Variants in TMEM132B observed in about 807,000 individuals in gnomAD.
The protein encoded by TMEM132B is transmembrane protein 132B.
Under a neutral mutation model 90.8 loss-of-function variants are expected in TMEM132B, and 18 were observed. The observed-to-expected ratio is 0.20, with a 90% CI of 0.14 to 0.29. TMEM132B has a LOEUF of 0.29. Among genes scored for constraint, TMEM132B ranks in the 10% least tolerant of loss-of-function variants. The pLI is 1.00. For missense variants in TMEM132B, 1,096 were observed against 1,326.8 expected (o/e 0.83, Z 2.70); for synonymous variants, 504 against 523.3 (o/e 0.96, Z 0.50).
At position 125,490,452 on chromosome 12, in the gene TMEM132B, T is replaced by C. The variant is rs1188187423; in HGVS notation, c.1107-28987T>C. Among the ~76,000 whole-genome samples the C allele has an allele frequency of 2.0e-5, 3 of 152,076 alleles. No homozygotes were observed. Among genetic ancestry groups the C allele is most frequent in the Non-Finnish European group, 4.4e-5 (3 of 68,026 alleles). On this transcript the variant is annotated intron_variant, in intron 3 of 8. Transcript: ENST00000682704. The surrounding 1 kb of genome is among the most constrained non-coding windows in gnomAD (Gnocchi z 4.2). Reference sequence around the variant, plus strand: ...CCCCTTTAAGAGGTGAAACTTAATTTATTTTATTTTATTTATTTATTTATT... The same window carrying C: ...CCCCTTTAAGAGGTGAAACTTAATTCATTTTATTTTATTTATTTATTTATT...
chr12:125,450,332 T>A (rs1057184847), intron 3 of TMEM132B, among the ~76,000 whole-genome samples: 1 of 152,216 alleles, frequency 6.6e-6, no homozygotes, highest in African/African-American at 2.4e-5. Context: ...AAAATGATGA[T>A]GGCATGTCTT....
At chr12:125,393,866 T>C (rs1879097682) in intron 2 of TMEM132B, among the ~76,000 whole-genome samples, 1 of 152,190 alleles carries the variant, frequency 6.6e-6, no homozygotes, top group African/African-American at 2.4e-5. Context: ...GGGATAGGAA[T>C]ATCTCAACCT....
chr12:125,566,612 G>A (rs2136814545), intron 4 of TMEM132B, among the ~76,000 whole-genome samples: 1 of 152,244 alleles, frequency 6.6e-6, no homozygotes, highest in African/African-American at 2.4e-5. Flanking sequence ...AGCACCAAAT[G>A]TGATGCTTTG....
At chr12:125,363,283 C>T (rs187153776) in intron 2 of TMEM132B, among the ~76,000 whole-genome samples, 2 of 152,324 alleles carry the variant, frequency 1.3e-5, no homozygotes, top group Non-Finnish European at 2.9e-5. Flanking sequence ...CTGATCCCCA[C>T]AACCCTGCCT....
chr12:125,558,730 A>G lies in TMEM132B; in HGVS notation c.1294-25121A>G, dbSNP rs140803421. On this transcript the variant is annotated intron_variant, in intron 4 of 8. Transcript: ENST00000682704. ...TGTTAGTTCCAAGGCATTATAGATC[A>G]AGAAGATGAGTCTAATCAATTGATG... Among the ~76,000 whole-genome samples the G allele has an allele frequency of 9.1e-3, 1,382 of 152,330 alleles. 18 individuals are homozygous for G. The highest frequency in any genetic ancestry group is 0.031 in the African/African-American group (1,306 of 41,580).
chr12:125,577,627 G>A (rs1346560558), intron 4 of TMEM132B, among the ~76,000 whole-genome samples: 1 of 149,978 alleles, frequency 6.7e-6, no homozygotes, highest in Non-Finnish European at 1.5e-5. Flanking sequence ...TATTATTATT[G>A]TCTTCCTTGC....
chr12:125,350,131 G>A lies in TMEM132B; in HGVS notation c.747G>A (p.Ser249=), dbSNP rs752253408. ...GCAAGTGGGAGAACAATATCCACTC[G>A]GGCCTGGAGAGCCCCCAGCAAGCGT... ...EEGKWENNIH[S]GLESPQQAFP... is the part of the protein sequence containing the mutation. The change falls in exon 2 of 9, where the codon TCG becomes TCA. Residue 249 remains serine (S), a synonymous_variant. Coordinates refer to ENST00000682704, the MANE Select transcript of TMEM132B (RefSeq NM_001366854.1). 100 of 1,614,100 alleles carry A rather than the reference G, an allele frequency of 6.2e-5. No homozygotes were observed. Among genetic ancestry groups the A allele is most frequent in the Non-Finnish European group, 7.5e-5 (88 of 1,180,038 alleles).
chr12:125,534,535 C>A (rs892551149), intron 4 of TMEM132B, among the ~76,000 whole-genome samples: 1 of 152,058 alleles, frequency 6.6e-6, no homozygotes, highest in Non-Finnish European at 1.5e-5. Context: ...CACCCCACAA[C>A]CAAAACCAAA....
intron 1 of TMEM132B, among the ~76,000 whole-genome samples, chr12:125,266,662 C>T (rs887011923): frequency 3.9e-5 from 6 of 152,298 alleles, no homozygotes; most frequent in African/African-American, 1.4e-4. Context: ...TAGGCCTTCT[C>T]CACACCACAC....
chr12:125,637,548 G>A (rs1023634373), intron 5 of TMEM132B, among the ~76,000 whole-genome samples: 9 of 152,156 alleles, frequency 5.9e-5, no homozygotes, highest in South Asian at 4.1e-4. Flanking sequence ...GGTTCCATCC[G>A]GAAAGGTGGG....
intron 3 of TMEM132B, among the ~76,000 whole-genome samples, chr12:125,487,134 C>T (rs146790367): frequency 2.9e-4 from 44 of 152,240 alleles, no homozygotes; most frequent in African/African-American, 8.2e-4. Context: ...ACCCATTATT[C>T]GATAGCCTTG....
intron 1 of TMEM132B, among the ~76,000 whole-genome samples, chr12:125,219,855 C>T (rs1187719981): frequency 6.6e-6 from 1 of 152,232 alleles, no homozygotes; most frequent in East Asian, 1.9e-4. Context: ...GCCACTGTTT[C>T]CCCCAGGGGT....
chr12:125,411,134 G>GGAGGGGAGT (rs1879815005), intron 2 of TMEM132B, among the ~76,000 whole-genome samples: 1 of 58,694 alleles, frequency 1.7e-5, no homozygotes. Context: ...TGGAGTGAGT[G>GGAGGGGAGT]GAGTGGAGTG....
At chr12:125,650,509 G>A (rs1369971186) in intron 6 of TMEM132B, among the ~76,000 whole-genome samples, 174 bp from the exon 7 acceptor site, 1 of 152,206 alleles carries the variant, frequency 6.6e-6, no homozygotes, top group African/African-American at 2.4e-5. Context: ...CCTCATCAAA[G>A]TGTGCTTGTG....
rs1041538280 is a variant in TMEM132B at position 125,527,785 on chromosome 12, A to G, written c.1293+8160A>G. Among the ~76,000 whole-genome samples, 7 of 152,130 alleles carry G rather than the reference A, an allele frequency of 4.6e-5. No homozygotes were observed. The South Asian group carries it at 6.2e-4, about 14-fold the overall frequency. ...CTTCCATCTACGCATCTACTTTTCCATCCACCCATCCAACCCAGCCACCCA... is the reference window on the plus strand; with the variant it reads ...CTTCCATCTACGCATCTACTTTTCCGTCCACCCATCCAACCCAGCCACCCA... On this transcript the variant is annotated intron_variant, in intron 4 of 8. Coordinates refer to ENST00000682704, the MANE Select transcript of TMEM132B (RefSeq NM_001366854.1).
chr12:125,496,124 A>G (rs925794748), intron 3 of TMEM132B, among the ~76,000 whole-genome samples: 5 of 152,144 alleles, frequency 3.3e-5, no homozygotes, highest in African/African-American at 1.2e-4. Context: ...CCAGCCACTT[A>G]ACTCCAGTTT....
intron 3 of TMEM132B, among the ~76,000 whole-genome samples, chr12:125,456,337 T>G (rs1881292303): frequency 6.6e-6 from 1 of 152,224 alleles, no homozygotes; most frequent in South Asian, 2.1e-4. Context: ...CCATTACAGT[T>G]AAACCTGCAT....
At chr12:125,533,901 T>A (rs528403008) in intron 4 of TMEM132B, among the ~76,000 whole-genome samples, 2 of 152,234 alleles carry the variant, frequency 1.3e-5, no homozygotes, top group Non-Finnish European at 2.9e-5. Flanking sequence ...GCATGCTCAT[T>A]ATAACATTTT....
At chr12:125,592,513 G>T (rs184928081) in intron 5 of TMEM132B, among the ~76,000 whole-genome samples, 186 of 152,210 alleles carry the variant, frequency 1.2e-3, no homozygotes, top group African/African-American at 4.3e-3. Flanking sequence ...GTCTGTGAGG[G>T]GTAAGGTAAG....
Sources: gnomAD v4.1 joint callset for allele counts (sites outside exome capture counted in the v4.1 genomes callset) on GRCh38, gnomAD v4.1.1 for gene constraint, Gnocchi (gnomAD v3.1) non-coding constraint, MANE v1.5 for transcripts, NCBI Gene and HGNC (gene_info 2026-07-23, HGNC 2026-07-21) for gene names.